The following SBF1 variants were observed in gnomAD, a reference collection of about 807,000 sequenced individuals.
SBF1 encodes the protein myotubularin-related protein 5.
Under a neutral mutation model 215.8 loss-of-function variants are expected in SBF1, and 65 were observed. That is an observed-to-expected ratio of 0.30 (90% CI 0.25 to 0.37). The LOEUF (loss-of-function observed/expected upper bound fraction) is 0.37. Among genes scored for constraint, SBF1 ranks in the 10% least tolerant of loss-of-function variants. SBF1 has a pLI of 1.00. For missense variants in SBF1, 2,634 were observed against 2,667.8 expected, an observed-to-expected ratio of 0.99 and a Z score of 0.28; for synonymous variants, 1,410 against 1,122.8, an observed-to-expected ratio of 1.26 and a Z score of -5.11.
intron 1 of SBF1, among the ~76,000 whole-genome samples, chr22:50,473,422 A>G (rs2068061739): frequency 6.6e-6 from 1 of 152,192 alleles, no homozygotes; most frequent in Non-Finnish European, 1.5e-5. Flanking sequence ...ATTGACAGCC[A>G]ACCTGCACAG....
At chr22:50,448,134 C>G (rs1010184335) in intron 38 of SBF1, 99 bp downstream of exon 38, 21 of 1,195,128 alleles carry the variant, frequency 1.8e-5, no homozygotes, top group Admixed American at 7.3e-5. Context: ...CTTAAGCAAG[C>G]TCCTCAAAAG....
chr22:50,467,742 G>C (rs1262341600), intron 3 of SBF1, 44 bp downstream of exon 3: 1 of 1,611,984 alleles, frequency 6.2e-7, no homozygotes. Flanking sequence ...CACGGCCCAA[G>C]GATGCAGCTT....
At position 50,459,952 on chromosome 22, in the gene SBF1, C is replaced by A. The variant is rs1286105195; in HGVS notation, c.3491G>T (p.Ser1164Ile). ...PVNRMYAICRSYPGLLIVPQS... is the reference protein window; with the variant it reads ...PVNRMYAICRIYPGLLIVPQS... Reference sequence around the variant, plus strand: ...CGGGCCAGCCCTGGCCGGCCCTCACCTGCGGCAGATGGCATACATGCGGTT... The same window carrying A: ...CGGGCCAGCCCTGGCCGGCCCTCACATGCGGCAGATGGCATACATGCGGTT... Residue 1164 changes from serine (S) to isoleucine (I), a missense_variant and splice_region_variant, in exon 26 of 41, where the codon AGC becomes ATC. Coordinates refer to ENST00000380817, the MANE Select transcript of SBF1 (RefSeq NM_002972.4). The A allele has an allele frequency of 6.2e-7, 1 of 1,613,670 alleles. No homozygotes were observed. Among genetic ancestry groups the A allele is most frequent in the African/African-American group, 1.3e-5 (1 of 75,068 alleles).
At position 50,462,708 on chromosome 22, in the gene SBF1, G is replaced by C; in HGVS notation, c.1978C>G (p.Pro660Ala). 6.2e-7 allele frequency: 1 copy of C among 1,611,658 alleles called. No homozygotes were observed. The highest frequency in any genetic ancestry group is 8.5e-7 in the Non-Finnish European group (1 of 1,179,326). Residue 660 changes from proline (P) to alanine (A), a missense_variant, in exon 18 of 41, where the codon CCG becomes GCG. Transcript: ENST00000380817. Reference protein sequence around the residue: ...LVTAFCRKLSPGVTQFAYSCV... With the variant: ...LVTAFCRKLSAGVTQFAYSCV... ...CTGTATGCAAACTGCGTCACCCCCG[G>C]GCTCAGCTTCTGCAGGAGCCAGGGG...
intron 5 of SBF1, chr22:50,467,134 G>A (rs1049190122): frequency 8.3e-6 from 5 of 600,084 alleles, no homozygotes; most frequent in Non-Finnish European, 1.5e-5. Context: ...TGGACAGAGA[G>A]GCTGAACGAC....
intron 23 of SBF1, 108 bp downstream of exon 23, chr22:50,461,051 G>T: frequency 7.2e-7 from 1 of 1,384,220 alleles, no homozygotes; most frequent in East Asian, 2.4e-5. Context: ...CGTAACAACA[G>T]GGCCACTGCT....
chr22:50,448,468 G>A, intron 37 of SBF1, 24 bp from the exon 38 acceptor site: 5 of 1,612,016 alleles, frequency 3.1e-6, no homozygotes, highest in Non-Finnish European at 4.2e-6. Context: ...GTTGGGACTT[G>A]GGTCAGGGCT....
chr22:50,464,795 C>T lies in SBF1; in HGVS notation c.1431+24G>A, dbSNP rs540672113. On this transcript the variant is annotated intron_variant, in intron 13 of 40. Coordinates refer to ENST00000380817, the MANE Select transcript of SBF1 (RefSeq NM_002972.4). ...CCCAGGGATCAAGGCGGTACGACGC[C>T]CTCCCGTCCTGCTACCCTCGTACGT... The T allele has an allele frequency of 5.6e-6, 9 of 1,612,924 alleles. No individual in the cohort carries two copies. In the African/African-American group the frequency reaches 1.2e-4, roughly 21 times the overall value.
rs1268389876 is a variant in SBF1 at position 50,460,560 on chromosome 22, G to C, written c.3120C>G (p.Val1040=). The C allele has an allele frequency of 3.7e-6, 6 of 1,614,108 alleles. No individual in the cohort carries two copies. Among genetic ancestry groups the C allele is most frequent in the Non-Finnish European group, 3.4e-6 (4 of 1,180,022 alleles). ...SAHTPGRPPR[V]TKDKGPSLRT... Reference sequence around the variant, plus strand: ...TGAGGGAAGGACCCTTGTCCTTGGTGACTCGCGGTGGCCGGCCAGGTGTGT... The same window carrying C: ...TGAGGGAAGGACCCTTGTCCTTGGTCACTCGCGGTGGCCGGCCAGGTGTGT... Residue 1040 remains valine (V), a synonymous_variant, in exon 24 of 41, where the codon GTC becomes GTG. Coordinates refer to ENST00000380817, the MANE Select transcript of SBF1 (RefSeq NM_002972.4).
chr22:50,453,925 A>G (rs2067145946), intron 36 of SBF1, among the ~76,000 whole-genome samples: 1 of 151,920 alleles, frequency 6.6e-6, no homozygotes, highest in Admixed American at 6.6e-5. Flanking sequence ...ATGGCCCCAA[A>G]AGGTAGCACC....
intron 7 of SBF1, 33 bp downstream of exon 7, chr22:50,466,317 G>A (rs753742845): frequency 6.2e-7 from 1 of 1,605,802 alleles, no homozygotes; most frequent in Non-Finnish European, 8.5e-7. Context: ...AAGGGGCCAG[G>A]AGAAGGGGCT....
intron 15 of SBF1, among the ~76,000 whole-genome samples, chr22:50,463,681 C>T (rs1381103090): frequency 2.6e-5 from 4 of 152,236 alleles, no homozygotes; most frequent in Admixed American, 2.0e-4. Context: ...AGGTGCGCTC[C>T]GGAGGGAGGC....
At chr22:50,464,513 T>C (rs1372192577) in intron 14 of SBF1, 21 bp downstream of exon 14, 8 of 1,603,324 alleles carry the variant, frequency 5.0e-6, no homozygotes, top group Non-Finnish European at 6.8e-6. Context: ...GGGGCCTGCC[T>C]TCCCCTCCCT....
chr22:50,471,686 C>T (rs770429309), intron 1 of SBF1, among the ~76,000 whole-genome samples: 1 of 152,178 alleles, frequency 6.6e-6, no homozygotes, highest in Non-Finnish European at 1.5e-5. Context: ...CCATCCCCCC[C>T]AACCTCCCCT....
Position 50,448,424 on chromosome 22 carries a change from A to C in SBF1, c.5172T>G (p.Leu1724=), listed in dbSNP as rs372972821. Residue 1724 remains leucine (L), a synonymous_variant, in exon 38 of 41, where the codon CTT becomes CTG. Transcript: ENST00000380817. ...PDGRGTPSSL[L]VSTAPHHRRS... ...GACGGTGGTGGGGTGCGGTGGACAC[A>C]AGGAGGGAGCTAGGGGTGCCCTGGG... 1.6e-4 allele frequency: 263 copies of C among 1,613,670 alleles called. 4 individuals carry two copies. The South Asian group carries it at 2.8e-3, about 17-fold the overall frequency.
rs1265957216 is a variant in SBF1 at position 50,446,819 on chromosome 22, CT to C, written c.*322del. The C allele has an allele frequency of 5.9e-6, 4 of 680,138 alleles. No individual in the cohort carries two copies. The highest frequency in any genetic ancestry group is 1.1e-5 in the Non-Finnish European group (4 of 364,684). 42.1% of individuals were successfully genotyped at this position (680,138 alleles called of 1,614,324 possible). A position where few individuals can be genotyped will look rare whatever the true frequency, so the allele number is the denominator to read the frequency against. ...GGCACAGGAGCGTGGCGTTAGTTCT[CT>C]CTTTATATAGACTCTGGTTCTAGAA... is the stretch of plus-strand genomic sequence containing the variant. On this transcript the variant is annotated 3_prime_UTR_variant, in exon 41 of 41. Transcript: ENST00000380817.
chr22:50,454,893 G>C lies in SBF1; in HGVS notation c.4733C>G (p.Ser1578Cys), dbSNP rs780725556. 9.3e-6 allele frequency: 15 copies of C among 1,613,954 alleles called. 1 individual carries two copies. Among genetic ancestry groups the C allele is most frequent in the Middle Eastern group, 3.3e-4 (2 of 6,084 alleles). ...CAGCCGGTCCACATACTCCCACACA[G>C]ACCTGCACGGCACCTGGCCCCTGCG... ...GERRGQVPCR[S>C]VWEYVDRLSK... Residue 1578 changes from serine (S) to cysteine (C), a missense_variant, in exon 35 of 41, where the codon TCT becomes TGT. Ser to Cys is a moderately radical substitution (Grantham distance 112). Transcript: ENST00000380817.
Position 50,447,047 on chromosome 22 carries a change from G to C in SBF1, c.*95C>G, listed in dbSNP as rs1333371777. ...GGGGGCTCGGGGCCTCAATACTGTC[G>C]AGGGCCGGGGCTGTAAACATGGCCG... On this transcript the variant is annotated 3_prime_UTR_variant, in exon 41 of 41. Transcript: ENST00000380817. The C allele has an allele frequency of 1.8e-6, 2 of 1,138,180 alleles. No individual in the cohort carries two copies. Among genetic ancestry groups the C allele is most frequent in the South Asian group, 1.4e-5 (1 of 72,098 alleles). The allele number at this position is 1,138,180 out of a possible 1,614,324, so 70.5% of individuals were successfully genotyped here.
intron 36 of SBF1, among the ~76,000 whole-genome samples, chr22:50,450,048 GGGA>G (rs2066987974): frequency 2.0e-5 from 3 of 152,246 alleles, no homozygotes; most frequent in African/African-American, 7.2e-5. Flanking sequence ...AGGCAGAGAC[GGGA>G]CGTCCAGGGG....
Sources: gnomAD v4.1 joint callset for allele counts (sites outside exome capture counted in the v4.1 genomes callset) on GRCh38, gnomAD v4.1.1 for gene constraint, MANE v1.5 for transcripts, NCBI Gene and HGNC (gene_info 2026-07-23, HGNC 2026-07-21) for gene names.